Variants in BAALC observed in about 807,000 individuals in gnomAD.
The protein encoded by BAALC is brain and acute leukemia cytoplasmic protein.
In BAALC, 9 loss-of-function variants were observed where a neutral mutation model predicts 15.5. The observed-to-expected ratio is 0.58, with a 90% CI of 0.35 to 1.02. The LOEUF (loss-of-function observed/expected upper bound fraction) is 1.02, where lower values mean the gene tolerates loss of function less well. Among genes scored for constraint, BAALC ranks in the 50% least tolerant of loss-of-function variants. BAALC has a pLI of 0.02. For missense variants in BAALC, 201 were observed against 192.4 expected (o/e 1.04, Z -0.27); for synonymous variants, 80 against 74.6 (o/e 1.07, Z -0.37).
At chr8:103,172,545 G>T (rs960161134) in intron 1 of BAALC, among the ~76,000 whole-genome samples, 2 of 151,902 alleles carry the variant, frequency 1.3e-5, no homozygotes, top group African/African-American at 4.8e-5. Context: ...GGGATTACAG[G>T]CACCCACCAC....
At chr8:103,181,075 AAG>A (rs10544539) in intron 1 of BAALC, among the ~76,000 whole-genome samples, 10,337 of 152,100 alleles carry the variant, frequency 0.068, 1,124 homozygotes, top group African/African-American at 0.23. Flanking sequence ...TATTAAAAGG[AAG>A]AGAGAGAATT....
intron 1 of BAALC, among the ~76,000 whole-genome samples, chr8:103,210,030 C>G (rs1812417775): frequency 6.6e-6 from 1 of 152,190 alleles, no homozygotes; most frequent in Admixed American, 6.5e-5. Context: ...TTTTCCTGAT[C>G]TCTTCTGCAG....
chr8:103,194,210 C>G (rs1222830441), intron 1 of BAALC, among the ~76,000 whole-genome samples: 1 of 152,156 alleles, frequency 6.6e-6, no homozygotes, highest in Non-Finnish European at 1.5e-5. Context: ...AATAAATCAA[C>G]TTAATGTTTC....
In BAALC at chr8:103,205,815, C is replaced by T. The variant is rs533653174; in HGVS notation, c.161-7104C>T. On this transcript the variant is annotated intron_variant, in intron 1 of 2. Coordinates refer to ENST00000309982, the MANE Select transcript of BAALC (RefSeq NM_024812.3). ...TAATACCACAAGCTTTGGAAACATACGGAACCTGGGTTAAACTTCAATTTC... is the reference window on the plus strand; with the variant it reads ...TAATACCACAAGCTTTGGAAACATATGGAACCTGGGTTAAACTTCAATTTC... Among the ~76,000 whole-genome samples, 191 of 152,278 alleles carry T rather than the reference C, an allele frequency of 1.3e-3. 3 individuals are homozygous for T. The highest frequency in any genetic ancestry group is 4.2e-3 in the African/African-American group (176 of 41,550).
chr8:103,224,115 C>CTGTGTG (rs4002031), intron 2 of BAALC, among the ~76,000 whole-genome samples: 1 of 150,938 alleles, frequency 6.6e-6, no homozygotes, highest in East Asian at 2.0e-4. Context: ...CTGCGTGCGT[C>CTGTGTG]TGTGTGTGTG....
chr8:103,206,110 T>C (rs188076910), intron 1 of BAALC, among the ~76,000 whole-genome samples: 1,680 of 152,176 alleles, frequency 0.011, 24 homozygotes, highest in African/African-American at 0.03. Flanking sequence ...GAGTCTAGGG[T>C]TGGTGGAAAG....
intron 1 of BAALC, among the ~76,000 whole-genome samples, chr8:103,152,764 C>T (rs928385265): frequency 6.6e-6 from 1 of 152,186 alleles, no homozygotes; most frequent in East Asian, 1.9e-4. Context: ...GTCTGGAGGT[C>T]GGCGGCCACA....
intron 1 of BAALC, among the ~76,000 whole-genome samples, chr8:103,173,388 T>C (rs1370438701): frequency 1.3e-5 from 2 of 152,226 alleles, no homozygotes; most frequent in Non-Finnish European, 2.9e-5. Flanking sequence ...TCTTCCTTTT[T>C]TCACACTTCA....
intron 1 of BAALC, among the ~76,000 whole-genome samples, chr8:103,162,042 C>A (rs1279197097): frequency 6.6e-6 from 1 of 152,128 alleles, no homozygotes; most frequent in Admixed American, 6.6e-5. Flanking sequence ...TTCACTGCAG[C>A]CTTGATCTCC....
chr8:103,161,884 T>C (rs1159651002), intron 1 of BAALC, among the ~76,000 whole-genome samples: 1 of 152,182 alleles, frequency 6.6e-6, no homozygotes, highest in East Asian at 1.9e-4. Context: ...GCCATCTTTT[T>C]ATACAATTCT....
At chr8:103,209,047 G>A (rs945296006) in intron 1 of BAALC, among the ~76,000 whole-genome samples, 4 of 152,066 alleles carry the variant, frequency 2.6e-5, no homozygotes, top group Admixed American at 6.5e-5. Context: ...CCTTTGACCC[G>A]GGTACCAAGT....
At chr8:103,154,210 T>A (rs563688624) in intron 1 of BAALC, among the ~76,000 whole-genome samples, 3 of 152,252 alleles carry the variant, frequency 2.0e-5, no homozygotes, top group African/African-American at 7.2e-5. Context: ...TAGCTAACTC[T>A]GTTATTTCCA....
At chr8:103,172,984 T>A (rs1465479205) in intron 1 of BAALC, among the ~76,000 whole-genome samples, 1 of 152,252 alleles carries the variant, frequency 6.6e-6, no homozygotes, top group Non-Finnish European at 1.5e-5. Context: ...TAATCTAATA[T>A]AACAAATAGT....
intron 1 of BAALC, among the ~76,000 whole-genome samples, chr8:103,194,241 C>G (rs902126284): frequency 2.0e-5 from 3 of 152,200 alleles, no homozygotes; most frequent in Non-Finnish European, 1.5e-5. Context: ...GACTTGCTTT[C>G]CACTGGCTAA....
chr8:103,186,908 G>A (rs1811850610), intron 1 of BAALC, among the ~76,000 whole-genome samples: 2 of 152,118 alleles, frequency 1.3e-5, no homozygotes, highest in South Asian at 4.1e-4. Flanking sequence ...ATATAAATGA[G>A]CTGACATGGA....
chr8:103,149,308 C>T (rs1810936704), intron 1 of BAALC, among the ~76,000 whole-genome samples: 4 of 152,196 alleles, frequency 2.6e-5, no homozygotes, highest in Admixed American at 2.6e-4. Context: ...AGTGCCCGTG[C>T]TGCTCCAATC....
chr8:103,206,307 A>ATC (rs894789556), intron 1 of BAALC, among the ~76,000 whole-genome samples: 5 of 152,116 alleles, frequency 3.3e-5, no homozygotes, highest in Admixed American at 6.6e-5. Context: ...ACAACTGACC[A>ATC]TCTGTCTTCC....
At chr8:103,183,293 A>C (rs1811766026) in intron 1 of BAALC, 1 of 698,154 alleles carries the variant, frequency 1.4e-6, no homozygotes, top group Admixed American at 2.0e-5. Flanking sequence ...GTGGAGAAAA[A>C]CATGGAATGT....
At chr8:103,188,563 A>G (rs528521745) in intron 1 of BAALC, among the ~76,000 whole-genome samples, 1 of 152,360 alleles carries the variant, frequency 6.6e-6, no homozygotes, top group African/African-American at 2.4e-5. Flanking sequence ...GAAAGGGTTG[A>G]TAATTTTGTG....
Sources: gnomAD v4.1 joint callset for allele counts (sites outside exome capture counted in the v4.1 genomes callset) on GRCh38, gnomAD v4.1.1 for gene constraint, MANE v1.5 for transcripts, NCBI Gene and HGNC (gene_info 2026-07-23, HGNC 2026-07-21) for gene names.